CSMD1: variants seen among roughly 807,000 people sequenced by gnomAD.
CSMD1 encodes the protein CUB and Sushi multiple domains 1.
Under a neutral mutation model 417.5 loss-of-function variants are expected in CSMD1, and 213 were observed. That is an observed-to-expected ratio of 0.51 (90% CI 0.46 to 0.57). The LOEUF is 0.57. Among genes scored for constraint, CSMD1 ranks in the 20% least tolerant of loss-of-function variants. The pLI is 0.00. For missense variants in CSMD1, 6,923 were observed against 4,529.7 expected, an observed-to-expected ratio of 1.53 and a Z score of -15.17; for synonymous variants, 2,862 against 1,736.8, an observed-to-expected ratio of 1.65 and a Z score of -16.11.
At position 3,882,438 on chromosome 8, in the gene CSMD1, A is replaced by G. The variant is rs982688005; in HGVS notation, c.818+115465T>C. Among the ~76,000 whole-genome samples, 4 of 152,322 alleles carry G rather than the reference A, an allele frequency of 2.6e-5. No homozygotes were observed. The East Asian group carries it at 7.7e-4, about 29-fold the overall frequency. ...TGTTGGTTATGTGGAGCAACTGGAA[A>G]TTTCCTACACTACGGTGGTATTACA... On this transcript the variant is annotated intron_variant, in intron 5 of 69. Transcript: ENST00000635120.
chr8:4,802,271 G>T (rs1798333107), intron 1 of CSMD1, among the ~76,000 whole-genome samples: 1 of 152,066 alleles, frequency 6.6e-6, no homozygotes, highest in Admixed American at 6.6e-5. Flanking sequence ...GCCTGCCTCA[G>T]CCAAGGCTTC....
At chr8:3,161,852 A>ACT (rs1042822478) in intron 38 of CSMD1, among the ~76,000 whole-genome samples, 1 of 152,146 alleles carries the variant, frequency 6.6e-6, no homozygotes, top group African/African-American at 2.4e-5. Context: ...CCAGGAGAGG[A>ACT]CTTTCAAAGA....
intron 2 of CSMD1, among the ~76,000 whole-genome samples, chr8:4,491,927 T>C (rs1327918521): frequency 1.3e-5 from 2 of 152,066 alleles, no homozygotes; most frequent in African/African-American, 2.4e-5. Context: ...AAAATATTTA[T>C]AGCAGCTTTA....
At chr8:4,360,652 G>A (rs1801702814) in intron 3 of CSMD1, among the ~76,000 whole-genome samples, 1 of 151,936 alleles carries the variant, frequency 6.6e-6, no homozygotes, top group African/African-American at 2.4e-5. Context: ...CACCACACCT[G>A]GCTAATTTTT....
chr8:3,710,091 C>G (rs1801421261), intron 6 of CSMD1, among the ~76,000 whole-genome samples: 1 of 151,774 alleles, frequency 6.6e-6, no homozygotes, highest in African/African-American at 2.4e-5. Flanking sequence ...CTCATATCTA[C>G]ATATATTTTA....
chr8:4,673,054 A>C (rs1805429403), intron 1 of CSMD1, among the ~76,000 whole-genome samples: 1 of 151,388 alleles, frequency 6.6e-6, no homozygotes, highest in Admixed American at 6.6e-5. Context: ...ACACACAAAC[A>C]TGCTGACATG....
At chr8:4,001,090 T>G (rs1401969216) in intron 4 of CSMD1, among the ~76,000 whole-genome samples, 1 of 152,162 alleles carries the variant, frequency 6.6e-6, no homozygotes, top group Non-Finnish European at 1.5e-5. Context: ...GATTATGAAT[T>G]TTTGTCATGG....
At chr8:4,164,284 G>A (rs911970555) in intron 3 of CSMD1, among the ~76,000 whole-genome samples, 1 of 151,962 alleles carries the variant, frequency 6.6e-6, no homozygotes, top group African/African-American at 2.4e-5. Flanking sequence ...TTTCTTTAAT[G>A]GATACAAATG....
rs979400481 is a variant in CSMD1 at position 3,457,951 on chromosome 8, G to A, written c.1561+10761C>T. Among the ~76,000 whole-genome samples, 4 of 152,154 alleles carry A rather than the reference G, an allele frequency of 2.6e-5. No homozygotes were observed. The Middle Eastern group carries it at 9.5e-3, about 361-fold the overall frequency. On this transcript the variant is annotated intron_variant, in intron 12 of 69. Coordinates refer to ENST00000635120, the MANE Select transcript of CSMD1 (RefSeq NM_033225.6). ...AAATAGGAAGCTCATTCCAATTACA[G>A]AGCCTAAAATATCACCTAGAAGTAC...
rs546714796 is a variant in CSMD1, at chr8:3,521,796, T to C, written c.1345-28070A>G. Among the ~76,000 whole-genome samples, 4 of 152,218 alleles carry C rather than the reference T, an allele frequency of 2.6e-5. No homozygotes were observed. The South Asian group carries it at 6.2e-4, about 24-fold the overall frequency. ...ACAAAATGCATTGAATGACAAAGAATGGATTCTCTGTATACACACCTTCTT... is the reference window on the plus strand; with the variant it reads ...ACAAAATGCATTGAATGACAAAGAACGGATTCTCTGTATACACACCTTCTT... On this transcript the variant is annotated intron_variant, in intron 10 of 69. Coordinates refer to ENST00000635120, the MANE Select transcript of CSMD1 (RefSeq NM_033225.6).
At chr8:3,538,937 G>A (rs1231690528) in intron 10 of CSMD1, among the ~76,000 whole-genome samples, 1 of 152,174 alleles carries the variant, frequency 6.6e-6, no homozygotes, top group Non-Finnish European at 1.5e-5. Flanking sequence ...AGCAACGTTT[G>A]TGAGACCCCA....
At chr8:4,823,946 G>T (rs917553882) in intron 1 of CSMD1, among the ~76,000 whole-genome samples, 4 of 151,754 alleles carry the variant, frequency 2.6e-5, no homozygotes, top group African/African-American at 9.7e-5. Context: ...AGAGAATATA[G>T]CACAAATCTA....
At chr8:4,650,633 C>A (rs1261902833) in intron 1 of CSMD1, among the ~76,000 whole-genome samples, 1 of 149,972 alleles carries the variant, frequency 6.7e-6, no homozygotes, top group Non-Finnish European at 1.5e-5. Flanking sequence ...AAGTGACAGC[C>A]TTTCGAGTCT....
chr8:4,258,712 A>T (rs896742083), intron 3 of CSMD1, among the ~76,000 whole-genome samples: 2 of 151,958 alleles, frequency 1.3e-5, no homozygotes, highest in African/African-American at 4.8e-5. Flanking sequence ...TCACACTGGG[A>T]TGAGGGGTGG....
At chr8:3,835,841 G>C (rs535689438) in intron 5 of CSMD1, among the ~76,000 whole-genome samples, 1 of 151,858 alleles carries the variant, frequency 6.6e-6, no homozygotes, top group Non-Finnish European at 1.5e-5. Flanking sequence ...CTGTTCCTTA[G>C]TTCTTCTGTA....
chr8:4,504,713 A>G (rs2085613391), intron 2 of CSMD1, among the ~76,000 whole-genome samples: 1 of 151,988 alleles, frequency 6.6e-6, no homozygotes, highest in Admixed American at 6.6e-5. Flanking sequence ...ACTCCCACTT[A>G]TGAGTCAGAA....
At chr8:3,919,184 CAAAAAAAAAAAAAAAAA>C (rs71203490) in intron 5 of CSMD1, among the ~76,000 whole-genome samples, 1 of 91,800 alleles carries the variant, frequency 1.1e-5, no homozygotes, top group Non-Finnish European at 2.2e-5. Flanking sequence ...GTGTCATATC[CAAAAAAAAAAAAAAAAA>C]AAAAAAAAAG....
chr8:4,172,938 A>G (rs181976756), intron 3 of CSMD1, among the ~76,000 whole-genome samples: 2 of 152,248 alleles, frequency 1.3e-5, no homozygotes, highest in East Asian at 1.9e-4. Flanking sequence ...CAACTTACAG[A>G]AAAACCTCGA....
intron 50 of CSMD1, among the ~76,000 whole-genome samples, chr8:3,044,633 TG>T (rs1811317382): frequency 1.3e-5 from 2 of 149,256 alleles, no homozygotes; most frequent in African/African-American, 4.9e-5. Flanking sequence ...ATAACTGAAA[TG>T]AAAAAAAAAA....
Sources: gnomAD v4.1 joint callset for allele counts (sites outside exome capture counted in the v4.1 genomes callset) on GRCh38, gnomAD v4.1.1 for gene constraint, MANE v1.5 for transcripts, NCBI Gene and HGNC (gene_info 2026-07-23, HGNC 2026-07-21) for gene names.